Variants in POLB observed in about 807,000 individuals in gnomAD.
POLB encodes the protein DNA polymerase beta, also known as 5'-dRP lyase.
POLB carries 37 observed loss-of-function variants against 52.7 expected under a neutral mutation model. The observed-to-expected ratio is 0.70, with a 90% CI of 0.54 to 0.92. The LOEUF is 0.92. Ranked by LOEUF, POLB falls within the 40% of genes least tolerant of loss-of-function variation. The pLI is 0.00. For synonymous variants in POLB, 138 were observed against 131.3 expected, an observed-to-expected ratio of 1.05 and a Z score of -0.35; for missense variants, 313 against 400.8, an observed-to-expected ratio of 0.78 and a Z score of 1.87.
chr8:42,355,698 A>G (rs1382466653), intron 7 of POLB, 131 bp downstream of exon 7: 1 of 611,084 alleles, frequency 1.6e-6, no homozygotes, highest in East Asian at 2.8e-5. Context: ...AAGTGCTAAG[A>G]TTTGTGGACT....
chr8:42,369,198 T>C (rs1824222387), intron 11 of POLB, 73 bp from the exon 12 acceptor site: 1 of 881,348 alleles, frequency 1.1e-6, no homozygotes, highest in African/African-American at 1.7e-5. Context: ...AAAATGGCCT[T>C]GTGTTTTACT....
intron 7 of POLB, among the ~76,000 whole-genome samples, chr8:42,355,853 G>A (rs955696443): frequency 5.3e-5 from 8 of 152,214 alleles, no homozygotes; most frequent in African/African-American, 1.7e-4. Context: ...GGCAGTCAGC[G>A]GGTGTTTATT....
At chr8:42,362,726 TAA>T (rs2307165) in intron 11 of POLB, 28 bp downstream of exon 11, 1 of 1,291,514 alleles carries the variant, frequency 7.7e-7, no homozygotes, top group Non-Finnish European at 1.1e-6. Context: ...TTAGCACATC[TAA>T]AAAAAAACTT....
rs759355040 is a variant in POLB at position 42,349,078 on chromosome 8, T to C, written c.249T>C (p.Arg83=). 2 of 1,594,256 alleles carry C rather than the reference T, an allele frequency of 1.3e-6. No individual in the cohort carries two copies. Among genetic ancestry groups the C allele is most frequent in the Non-Finnish European group, 1.7e-6 (2 of 1,163,258 alleles). Residue 83 remains arginine, a synonymous_variant, in exon 4 of 14, where the codon CGT becomes CGC. Coordinates refer to ENST00000265421, the MANE Select transcript of POLB (RefSeq NM_002690.3). ...IDEFLATGKL[R]KLEKIRQDDT... ...AGTTTTTAGCAACTGGAAAATTACG[T>C]AAACTGGAAAAGGTAAAATTTTAAC...
At chr8:42,346,306 G>A (rs1396432156) in intron 3 of POLB, among the ~76,000 whole-genome samples, 3 of 151,892 alleles carry the variant, frequency 2.0e-5, no homozygotes, top group African/African-American at 7.3e-5. Flanking sequence ...AATGTCCTCT[G>A]GAATTTAAGA....
chr8:42,358,370 T>C (rs1040844175), intron 9 of POLB, among the ~76,000 whole-genome samples: 9 of 151,838 alleles, frequency 5.9e-5, no homozygotes, highest in Non-Finnish European at 1.5e-5. Context: ...AGCGTAGTGG[T>C]GGGCACCTGT....
At chr8:42,343,042 G>T (rs954769766) in intron 2 of POLB, among the ~76,000 whole-genome samples, 1 of 151,876 alleles carries the variant, frequency 6.6e-6, no homozygotes, top group South Asian at 2.1e-4. Context: ...TATAAAATTG[G>T]CTGGGCGCAG....
chr8:42,364,137 G>A (rs1007198376), intron 11 of POLB, among the ~76,000 whole-genome samples: 9 of 151,998 alleles, frequency 5.9e-5, no homozygotes, highest in Non-Finnish European at 8.8e-5. Context: ...ATGTTGGCTG[G>A]GCTGGTCTCA....
chr8:42,357,592 T>C (rs1823398406), intron 9 of POLB, 200 bp downstream of exon 9: 2 of 459,296 alleles, frequency 4.4e-6, no homozygotes, highest in Non-Finnish European at 7.6e-6. Context: ...TATAGGATGA[T>C]ATTTTAATGA....
intron 11 of POLB, among the ~76,000 whole-genome samples, chr8:42,366,879 T>C (rs997841293): frequency 6.6e-6 from 1 of 152,214 alleles, no homozygotes; most frequent in African/African-American, 2.4e-5. Flanking sequence ...AAATATTTGA[T>C]GTACAAATAA....
intron 2 of POLB, chr8:42,341,753 G>T: frequency 5.1e-6 from 2 of 392,010 alleles, no homozygotes; most frequent in Non-Finnish European, 4.9e-6. Flanking sequence ...AATCCTCGTA[G>T]AAAATTGTTT....
chr8:42,351,606 C>T (rs1822982751), intron 5 of POLB, among the ~76,000 whole-genome samples: 1 of 152,210 alleles, frequency 6.6e-6, no homozygotes, highest in East Asian at 1.9e-4. Flanking sequence ...CAGTGTCCTT[C>T]CTTATGAAAT....
chr8:42,338,591 C>A lies in POLB; in HGVS notation c.-34C>A. The A allele has an allele frequency of 6.2e-7, 1 of 1,603,348 alleles. No homozygotes were observed. Among genetic ancestry groups the A allele is most frequent in the Non-Finnish European group, 8.5e-7 (1 of 1,170,084 alleles). Reference sequence around the variant, plus strand: ...TGGGAGAGGGCTCTAGTCCCTGGTTCTGAACACTCTGGGGTTCTCGGGTGC... The same window carrying A: ...TGGGAGAGGGCTCTAGTCCCTGGTTATGAACACTCTGGGGTTCTCGGGTGC... On this transcript the variant is annotated 5_prime_UTR_variant, in exon 1 of 14. It adds an upstream start codon to the 5' untranslated region. Coordinates refer to ENST00000265421, the MANE Select transcript of POLB (RefSeq NM_002690.3).
chr8:42,344,681 A>G (rs1822496376), intron 2 of POLB, among the ~76,000 whole-genome samples: 1 of 150,238 alleles, frequency 6.7e-6, no homozygotes, highest in African/African-American at 2.5e-5. Flanking sequence ...AAAATACAAG[A>G]AGGCGCGCCT....
At chr8:42,350,185 C>T in intron 5 of POLB, 120 bp downstream of exon 5, 2 of 738,990 alleles carry the variant, frequency 2.7e-6, no homozygotes, top group South Asian at 1.4e-5. Context: ...CTTAGCCATA[C>T]AGTTCACCCT....
intron 11 of POLB, 84 bp from the exon 12 acceptor site, chr8:42,369,186 CA>C (rs144949444): frequency 2.5e-6 from 2 of 787,660 alleles, no homozygotes; most frequent in Admixed American, 2.3e-5. Flanking sequence ...ACATTAAAAA[CA>C]AAAATGGCCT....
chr8:42,361,526 G>A (rs557487123), intron 10 of POLB, 161 bp downstream of exon 10: 76 of 616,170 alleles, frequency 1.2e-4, no homozygotes, highest in African/African-American at 1.1e-3. Flanking sequence ...CAAATTTCTC[G>A]AAAAGGATAC....
At chr8:42,349,923 T>A (rs1822867161) in intron 4 of POLB, 84 bp from the exon 5 acceptor site, 1 of 930,024 alleles carries the variant, frequency 1.1e-6, no homozygotes, top group South Asian at 1.3e-5. Context: ...TCATGTCTTT[T>A]AGCAGACTGG....
At chr8:42,370,893 G>A (rs1361830297) in intron 13 of POLB, among the ~76,000 whole-genome samples, 1 of 152,202 alleles carries the variant, frequency 6.6e-6, no homozygotes, top group Non-Finnish European at 1.5e-5. Context: ...TGCAGCTGGC[G>A]GGCCATGGTT....
Sources: allele counts gnomAD v4.1 joint callset (sites outside exome capture counted in the v4.1 genomes callset), GRCh38; gene constraint gnomAD v4.1.1; transcripts MANE v1.5; gene names NCBI Gene and HGNC (gene_info 2026-07-23, HGNC 2026-07-21).